Variants in SLC3A1 observed in about 807,000 individuals in gnomAD.
SLC3A1 encodes the protein solute carrier family 3 member 1, also known as amino acid transporter heavy chain SLC3A1.
Under a neutral mutation model 60.3 loss-of-function variants are expected in SLC3A1, and 78 were observed. The observed-to-expected ratio is 1.29, with a 90% CI of 1.08 to 1.56. The LOEUF (loss-of-function observed/expected upper bound fraction) is 1.56, where lower values mean the gene tolerates loss of function less well. SLC3A1 is among the 40% of genes most tolerant of loss of function. The probability of loss-of-function intolerance (pLI) is 0.00; values close to 1 mark genes in which losing one functional copy is unlikely to be tolerated. For missense variants in SLC3A1, 1,172 were observed against 858.9 expected, an observed-to-expected ratio of 1.36 and a Z score of -4.56; for synonymous variants, 392 against 307.9, an observed-to-expected ratio of 1.27 and a Z score of -2.86.
chr2:44,304,816 T>TA (rs1255873536), intron 7 of SLC3A1, among the ~76,000 whole-genome samples: 1 of 104,946 alleles, frequency 9.5e-6, no homozygotes, highest in African/African-American at 4.2e-5. Flanking sequence ...GAAAACAATT[T>TA]TTTTTTTTTT....
chr2:44,278,469 T>TA (rs1553341701), intron 1 of SLC3A1, among the ~76,000 whole-genome samples: 37 of 150,792 alleles, frequency 2.5e-4, no homozygotes, highest in Admixed American at 8.6e-4. Context: ...AATAAATAAA[T>TA]AAATAAAATA....
At chr2:44,289,784 C>G (rs924088804) in intron 4 of SLC3A1, among the ~76,000 whole-genome samples, 3 of 152,018 alleles carry the variant, frequency 2.0e-5, no homozygotes, top group African/African-American at 7.2e-5. Context: ...GTGCGCACCA[C>G]CATGCCCAGC....
intron 4 of SLC3A1, among the ~76,000 whole-genome samples, chr2:44,286,768 G>GTGAGCTGTGCAGTGCCTGTGAC: frequency 7.0e-6 from 1 of 142,930 alleles, no homozygotes; most frequent in Non-Finnish European, 1.5e-5. Flanking sequence ...GTCTGTGACG[G>GTGAGCTGTGCAGTGCCTGTGAC]TGAGCTGTGC....
intron 3 of SLC3A1, among the ~76,000 whole-genome samples, chr2:44,283,259 G>A (rs371922261): frequency 2.0e-5 from 3 of 152,048 alleles, no homozygotes; most frequent in Non-Finnish European, 4.4e-5. Flanking sequence ...ATAACCTTCC[G>A]TCTCCCAGGT....
chr2:44,275,922 G>T lies in SLC3A1; in HGVS notation c.387G>T (p.Arg129Ser). ...QEGPMYQIYPRSFKDSNKDGN... is the reference protein window; with the variant it reads ...QEGPMYQIYPSSFKDSNKDGN... The stretch of plus-strand genomic sequence containing the variant: ...GGCCCATGTACCAGATCTACCCAAG[G>T]TCTTTCAAGGACAGTAACAAGGATG... Residue 129 changes from arginine to serine, a missense_variant, in exon 1 of 10, where the codon AGG (arginine) becomes AGT (serine). Arg to Ser is a moderately radical substitution (Grantham distance 110). Coordinates refer to ENST00000260649, the MANE Select transcript of SLC3A1 (RefSeq NM_000341.4). 6.2e-7 allele frequency: 1 copy of T among 1,614,224 alleles called. No individual in the cohort carries two copies. Among genetic ancestry groups the T allele is most frequent in the Non-Finnish European group, 8.5e-7 (1 of 1,180,036 alleles).
In SLC3A1 at chr2:44,304,220, C is replaced by G. The variant is rs764840823; in HGVS notation, c.1214C>G (p.Ala405Gly). The G allele has an allele frequency of 2.5e-6, 4 of 1,614,022 alleles. No individual in the cohort carries two copies. The highest frequency in any genetic ancestry group is 2.2e-5 in the East Asian group (1 of 44,888). Residue 405 changes from alanine (A) to glycine (G), a missense_variant, in exon 7 of 10, where the codon GCT becomes GGT. Physicochemically the swap from Ala to Gly is moderately conservative, Grantham distance 60. Transcript: ENST00000260649. ...MYYGLPFIQEADFPFNNYLSM... is the reference protein window; with the variant it reads ...MYYGLPFIQEGDFPFNNYLSM... ...TATGGATTGCCATTTATCCAAGAAGCTGATTTTCCCTTCAACAATTACCTC... is the reference window on the plus strand; with the variant it reads ...TATGGATTGCCATTTATCCAAGAAGGTGATTTTCCCTTCAACAATTACCTC...
At chr2:44,301,937 A>T (rs1672022157) in intron 6 of SLC3A1, among the ~76,000 whole-genome samples, 1 of 149,862 alleles carries the variant, frequency 6.7e-6, no homozygotes, top group Non-Finnish European at 1.5e-5. Flanking sequence ...TGCCTGTAAT[A>T]CCAGCTACTC....
At position 44,312,629 on chromosome 2, in the gene SLC3A1, A is replaced by C. The variant is rs1347276525; in HGVS notation, c.1376A>C (p.Asn459Thr). The C allele has an allele frequency of 1.2e-6, 2 of 1,613,994 alleles. No homozygotes were observed. Among genetic ancestry groups the C allele is most frequent in the Non-Finnish European group, 8.5e-7 (1 of 1,179,890 alleles). Reference sequence around the variant, plus strand: ...TCACGGCTGACTTCGCGTTTGGGGAATCAGTATGTCAACGTGATGAACATG... The same window carrying C: ...TCACGGCTGACTTCGCGTTTGGGGACTCAGTATGTCAACGTGATGAACATG... ...DSSRLTSRLG[N>T]QYVNVMNMLL... The change falls in exon 8 of 10, where the codon AAT (asparagine) becomes ACT (threonine). Residue 459 changes from asparagine (N) to threonine (T), a missense_variant. Transcript: ENST00000260649.
intron 7 of SLC3A1, among the ~76,000 whole-genome samples, chr2:44,311,664 C>T (rs938515596): frequency 6.6e-6 from 1 of 151,414 alleles, no homozygotes; most frequent in South Asian, 2.1e-4. Context: ...TAGAAAAATA[C>T]TTCACAATGG....
intron 9 of SLC3A1, chr2:44,316,592 A>G (rs572722483): frequency 1.3e-5 from 2 of 152,370 alleles, no homozygotes; most frequent in African/African-American, 4.8e-5. Context: ...ACCCAGAGAT[A>G]AAGGAAGACT....
At chr2:44,309,298 G>A (rs750293484) in intron 7 of SLC3A1, among the ~76,000 whole-genome samples, 1 of 152,020 alleles carries the variant, frequency 6.6e-6, no homozygotes, top group African/African-American at 2.4e-5. Context: ...CATATAAGTG[G>A]AATCATAACA....
intron 4 of SLC3A1, among the ~76,000 whole-genome samples, chr2:44,291,116 A>G (rs754217991): frequency 1.3e-5 from 2 of 152,188 alleles, no homozygotes; most frequent in Non-Finnish European, 2.9e-5. Context: ...ACTTGAGTTC[A>G]TGCTCTTAAC....
At chr2:44,300,525 C>A (rs6710093) in intron 5 of SLC3A1, among the ~76,000 whole-genome samples, 3,915 of 152,028 alleles carry the variant, frequency 0.026, 163 homozygotes, top group African/African-American at 0.089. Flanking sequence ...AGAAATCCTA[C>A]AAAGATACAG....
At chr2:44,293,517 A>AG (rs71393256) in intron 4 of SLC3A1, among the ~76,000 whole-genome samples, 2 of 149,864 alleles carry the variant, frequency 1.3e-5, no homozygotes, top group East Asian at 3.9e-4. Context: ...ACACCGTTTT[A>AG]GGGGGGAAAA....
chr2:44,310,303 C>A (rs558087360), intron 7 of SLC3A1, among the ~76,000 whole-genome samples: 29 of 152,348 alleles, frequency 1.9e-4, no homozygotes, highest in African/African-American at 6.3e-4. Flanking sequence ...AATTTCTTTT[C>A]ATCCTCACCA....
Position 44,312,693 on chromosome 2 carries a change from TGGA to T in SLC3A1, c.1442_1444del (p.Gly481del). 1 of 1,613,174 alleles carries T rather than the reference TGGA, an allele frequency of 6.2e-7. No individual in the cohort carries two copies. The highest frequency in any genetic ancestry group is 8.5e-7 in the Non-Finnish European group (1 of 1,179,172). ...TCCCTGGAACTCCTATAACTTACTATGGAGAAGAAATTGGAATGGGAAATATTG... is the reference window on the plus strand; with the variant it reads ...TCCCTGGAACTCCTATAACTTACTATGAAGAAATTGGAATGGGAAATATTG... On this transcript the variant is annotated inframe_deletion, in exon 8 of 10. Coordinates refer to ENST00000260649, the MANE Select transcript of SLC3A1 (RefSeq NM_000341.4).
At chr2:44,320,138 A>G (rs1672799575) in intron 9 of SLC3A1, 61 bp from the exon 10 acceptor site, 1 of 1,435,162 alleles carries the variant, frequency 7.0e-7, no homozygotes, top group Non-Finnish European at 9.6e-7. Flanking sequence ...AATATATTAA[A>G]AATACTTACA....
chr2:44,287,952 T>C (rs911985782), intron 4 of SLC3A1, among the ~76,000 whole-genome samples: 1 of 152,190 alleles, frequency 6.6e-6, no homozygotes, highest in Non-Finnish European at 1.5e-5. Flanking sequence ...TCACATACCA[T>C]AAAATTCACC....
At chr2:44,294,199 T>C (rs1671799065) in intron 4 of SLC3A1, among the ~76,000 whole-genome samples, 1 of 151,712 alleles carries the variant, frequency 6.6e-6, no homozygotes, top group Admixed American at 6.6e-5. Flanking sequence ...GCAGAGAGAT[T>C]GGGTAATATA....
Sources: allele counts gnomAD v4.1 joint callset (sites outside exome capture counted in the v4.1 genomes callset), GRCh38; gene constraint gnomAD v4.1.1; transcripts MANE v1.5; gene names NCBI Gene and HGNC (gene_info 2026-07-23, HGNC 2026-07-21).